The following TTLL1 variants were observed in gnomAD, a reference collection of about 807,000 sequenced individuals.
The protein encoded by TTLL1 is TTL family tubulin polyglutamylase complex subunit L1, also known as polyglutamylase complex subunit TTLL1.
TTLL1 carries 33 observed loss-of-function variants against 47.8 expected under a neutral mutation model. The observed-to-expected ratio is 0.69, with a 90% CI of 0.52 to 0.92. The LOEUF is 0.92. TTLL1 is among the 40% of genes least tolerant of loss of function. The probability of loss-of-function intolerance (pLI) is 0.00; values close to 1 mark genes in which losing one functional copy is unlikely to be tolerated. For missense variants in TTLL1, 488 were observed against 547.5 expected (o/e 0.89, Z 1.08); for synonymous variants, 225 against 214.1 (o/e 1.05, Z -0.45).
chr22:43,080,389 G>A (rs896624050), intron 1 of TTLL1, among the ~76,000 whole-genome samples: 1 of 152,040 alleles, frequency 6.6e-6, no homozygotes. Context: ...TGACAAAACC[G>A]TAACTAGCCA....
At chr22:43,070,339 G>C in intron 3 of TTLL1, 1 of 564,718 alleles carries the variant, frequency 1.8e-6, no homozygotes, top group South Asian at 1.6e-5. Flanking sequence ...GGACGACAGA[G>C]TTGAAAGAGA....
At chr22:43,053,838 G>A (rs539790996) in intron 8 of TTLL1, among the ~76,000 whole-genome samples, 35 of 152,302 alleles carry the variant, frequency 2.3e-4, no homozygotes, top group African/African-American at 7.5e-4. Context: ...CCTGCCAGAG[G>A]GCCAGGCTGA....
chr22:43,059,603 C>T (rs1927269966), intron 7 of TTLL1, 76 bp from the exon 8 acceptor site: 1 of 1,499,348 alleles, frequency 6.7e-7, no homozygotes, highest in Non-Finnish European at 8.9e-7. Flanking sequence ...TTGCATCCCC[C>T]AAGCATTTCT....
chr22:43,058,860 A>T (rs1184219083), intron 8 of TTLL1, among the ~76,000 whole-genome samples: 1 of 151,672 alleles, frequency 6.6e-6, no homozygotes, highest in East Asian at 1.9e-4. Flanking sequence ...ACACCCCGCT[A>T]ATTTTTTGTA....
chr22:43,050,583 C>T (rs997276497), intron 9 of TTLL1, among the ~76,000 whole-genome samples: 9 of 150,566 alleles, frequency 6.0e-5, no homozygotes, highest in Admixed American at 2.6e-4. Context: ...AGTGCAGTGG[C>T]GCGATCTCAG....
At chr22:43,067,095 G>A (rs1601685146) in intron 5 of TTLL1, among the ~76,000 whole-genome samples, 2 of 152,216 alleles carry the variant, frequency 1.3e-5, no homozygotes, top group South Asian at 2.1e-4. Context: ...GGATCAGACA[G>A]AAGCTTTGCC....
chr22:43,077,165 G>A (rs1003450358), intron 2 of TTLL1, among the ~76,000 whole-genome samples: 4 of 151,856 alleles, frequency 2.6e-5, no homozygotes, highest in Non-Finnish European at 4.4e-5. Flanking sequence ...ACTCCCCAGG[G>A]CACTTAAACA....
At chr22:43,076,212 T>C (rs1203004328) in intron 2 of TTLL1, among the ~76,000 whole-genome samples, 2 of 152,136 alleles carry the variant, frequency 1.3e-5, no homozygotes, top group Non-Finnish European at 2.9e-5. Flanking sequence ...TCCCAGCACT[T>C]TGGGAGGCCG....
At chr22:43,061,428 T>C (rs1307527128) in intron 7 of TTLL1, among the ~76,000 whole-genome samples, 2 of 152,112 alleles carry the variant, frequency 1.3e-5, no homozygotes, top group Non-Finnish European at 2.9e-5. Flanking sequence ...CACACAGAGG[T>C]AAGTGATGGG....
chr22:43,040,454 CT>C (rs995002746), intron 10 of TTLL1, among the ~76,000 whole-genome samples: 4 of 151,124 alleles, frequency 2.6e-5, no homozygotes, highest in African/African-American at 4.9e-5. Context: ...TCCCCATTTT[CT>C]TTTTTTTTGA....
At chr22:43,049,131 G>GA (rs745568119) in intron 9 of TTLL1, among the ~76,000 whole-genome samples, 2,100 of 101,044 alleles carry the variant, frequency 0.021, 51 homozygotes, top group African/African-American at 0.064. Context: ...CCTGAAACAA[G>GA]AAAAAAAAAA....
intron 3 of TTLL1, 63 bp from the exon 4 acceptor site, chr22:43,069,907 C>A: frequency 6.3e-7 from 1 of 1,581,998 alleles, no homozygotes; most frequent in Non-Finnish European, 8.6e-7. Flanking sequence ...GTCCTTTGTT[C>A]CCGTCCCCGC....
At chr22:43,065,269 T>C (rs13053142) in intron 5 of TTLL1, among the ~76,000 whole-genome samples, 34,177 of 151,952 alleles carry the variant, frequency 0.22, 4,499 homozygotes, top group Middle Eastern at 0.36. Context: ...GATGGGCTGG[T>C]GTCAGTCTGC....
intron 9 of TTLL1, among the ~76,000 whole-genome samples, chr22:43,050,544 A>C (rs1926546171): frequency 6.6e-6 from 1 of 150,806 alleles, no homozygotes; most frequent in South Asian, 2.1e-4. Flanking sequence ...TTTTTGAGAC[A>C]AAGTCTCTCC....
chr22:43,044,773 A>G (rs751422905), intron 10 of TTLL1, among the ~76,000 whole-genome samples: 13 of 151,984 alleles, frequency 8.6e-5, no homozygotes, highest in African/African-American at 2.7e-4. Flanking sequence ...TCTGAGGCCA[A>G]TGTTTTACAA....
At chr22:43,084,964 T>A (rs1385085174) in intron 1 of TTLL1, among the ~76,000 whole-genome samples, 2,277 of 28,996 alleles carry the variant, frequency 0.079, 53 homozygotes, top group African/African-American at 0.13. Context: ...GCTGCCACCT[T>A]TTTTTTTTTT....
intron 2 of TTLL1, among the ~76,000 whole-genome samples, chr22:43,076,440 A>G (rs5759138): frequency 0.12 from 17,724 of 151,870 alleles, 1,410 homozygotes; most frequent in East Asian, 0.39. Context: ...TCGGCGACAG[A>G]GCGAGACTCC....
At chr22:43,062,674 C>A (rs1307708308) in intron 7 of TTLL1, among the ~76,000 whole-genome samples, 1 of 151,802 alleles carries the variant, frequency 6.6e-6, no homozygotes, top group Non-Finnish European at 1.5e-5. Context: ...TACTAAAATA[C>A]AAAAATTAGC....
chr22:43,081,091 T>G (rs1928855597), intron 1 of TTLL1, among the ~76,000 whole-genome samples: 1 of 151,720 alleles, frequency 6.6e-6, no homozygotes, highest in Non-Finnish European at 1.5e-5. Flanking sequence ...AATTTTTGTA[T>G]TTTTAGTAGA....
Sources: allele counts gnomAD v4.1 joint callset (sites outside exome capture counted in the v4.1 genomes callset), GRCh38; gene constraint gnomAD v4.1.1; transcripts MANE v1.5; gene names NCBI Gene and HGNC (gene_info 2026-07-23, HGNC 2026-07-21).